The following PTPRN2 variants were observed in gnomAD, a reference collection of about 807,000 sequenced individuals.
PTPRN2 encodes the protein protein tyrosine phosphatase receptor type N2.
A neutral mutation model predicts 118.8 loss-of-function variants in PTPRN2; 74 were observed. The ratio of observed to expected loss-of-function variants is 0.62; its 90% CI spans 0.52 to 0.76. The LOEUF (loss-of-function observed/expected upper bound fraction) is 0.76, where lower values mean the gene tolerates loss of function less well. Ranked by LOEUF, PTPRN2 falls within the 30% of genes least tolerant of loss-of-function variation. The probability of loss-of-function intolerance (pLI) is 0.00; values close to 1 mark genes in which losing one functional copy is unlikely to be tolerated. For missense variants in PTPRN2, 1,481 were observed against 1,394.4 expected (o/e 1.06, Z -0.99); for synonymous variants, 641 against 608.0 (o/e 1.05, Z -0.80).
In PTPRN2 at chr7:157,683,061, G is replaced by A. The variant is rs371805832; in HGVS notation, c.1789-124C>T. ...CCCACAGGACGCTGTGCTGGCCCTG[G>A]AGCCACAACGGGAGGGCCCTGCGGA... is the stretch of plus-strand genomic sequence containing the variant. On this transcript the variant is annotated intron_variant, in intron 12 of 22. Coordinates refer to ENST00000389418, the MANE Select transcript of PTPRN2 (RefSeq NM_002847.5). 2.1e-4 allele frequency: 178 copies of A among 829,052 alleles called. No homozygotes were observed. In the South Asian group the frequency reaches 2.7e-3, roughly 13 times the overall value. 51.4% of individuals were successfully genotyped at this position (829,052 alleles called of 1,614,324 possible).
At chr7:158,202,705 C>T (rs1052143416) in intron 4 of PTPRN2, among the ~76,000 whole-genome samples, 2 of 152,164 alleles carry the variant, frequency 1.3e-5, no homozygotes, top group African/African-American at 4.8e-5. Flanking sequence ...GGGTTCAACA[C>T]TCACAAAGAA....
At chr7:157,568,242 C>T (rs1263413408) in intron 21 of PTPRN2, among the ~76,000 whole-genome samples, 3 of 152,314 alleles carry the variant, frequency 2.0e-5, no homozygotes, top group African/African-American at 2.4e-5. Context: ...AGACTCCCCA[C>T]GCCGTCTGCG....
intron 10 of PTPRN2, among the ~76,000 whole-genome samples, chr7:158,094,255 G>A (rs1340231530): frequency 6.6e-6 from 1 of 152,192 alleles, no homozygotes; most frequent in Admixed American, 6.6e-5. Context: ...AGGAGCAGCA[G>A]AACGCTCGCC....
chr7:158,316,842 G>T lies in PTPRN2; in HGVS notation c.254C>A (p.Ala85Glu). Residue 85 changes from alanine (A) to glutamate (E), a missense_variant, in exon 3 of 23, where the codon GCG becomes GAG. Around this residue, in one of 3 missense-constraint regions of PTPRN2, gnomAD observed 1,115 missense variants for 994.2 expected, o/e 1.12. Coordinates refer to ENST00000389418, the MANE Select transcript of PTPRN2 (RefSeq NM_002847.5). ...SPVALQRLRVALQKLSGTGFT... is the reference protein window; with the variant it reads ...SPVALQRLRVELQKLSGTGFT... ...ACCTGTGCCGGAAAGCTTCTGCAAC[G>T]CCACGCGCAGGCGCTGCAGGGCCAC... 6.2e-7 allele frequency: 1 copy of T among 1,607,804 alleles called. No homozygotes were observed.
At chr7:158,355,138 C>A (rs891585125) in intron 2 of PTPRN2, among the ~76,000 whole-genome samples, 3 of 152,156 alleles carry the variant, frequency 2.0e-5, no homozygotes, top group East Asian at 3.9e-4. Flanking sequence ...GAGAATTCAT[C>A]ACCACCAAAC....
rs539626141 is a variant in PTPRN2, at chr7:157,951,716, G to A, written c.1724-52979C>T. On this transcript the variant is annotated intron_variant, in intron 11 of 22. Transcript: ENST00000389418. ...CTGCCAGTGACATTAGCTGCTGTGCGTCCCTCCTGCCGGACTGCAACACCG... is the reference window on the plus strand; with the variant it reads ...CTGCCAGTGACATTAGCTGCTGTGCATCCCTCCTGCCGGACTGCAACACCG... Among the ~76,000 whole-genome samples, 139 of 152,338 alleles carry A rather than the reference G, an allele frequency of 9.1e-4. 1 individual carries two copies. Among genetic ancestry groups the A allele is most frequent in the African/African-American group, 3.0e-3 (125 of 41,582 alleles).
intron 10 of PTPRN2, among the ~76,000 whole-genome samples, chr7:158,089,200 G>A (rs866892720): frequency 2.7e-4 from 7 of 26,086 alleles, no homozygotes; most frequent in Admixed American, 7.5e-4. Context: ...CTGAGGAAAG[G>A]GGGAGTCTTC....
At chr7:158,274,731 C>A (rs768934925) in intron 3 of PTPRN2, among the ~76,000 whole-genome samples, 1 of 152,152 alleles carries the variant, frequency 6.6e-6, no homozygotes, top group Non-Finnish European at 1.5e-5. Flanking sequence ...AGGTACCCTA[C>A]GGGGGGAGTC....
In PTPRN2 at chr7:158,139,681, C is replaced by A. The variant is rs748574573; in HGVS notation, c.911-1166G>T. On this transcript the variant is annotated intron_variant, in intron 6 of 22. Coordinates refer to ENST00000389418, the MANE Select transcript of PTPRN2 (RefSeq NM_002847.5). ...GATGGAGAAGATTCCTGGAAAGCAG[C>A]GGGGGCGGGGCGGGGGGAAGACACG... 1.0e-4 allele frequency among the ~76,000 whole-genome samples: 15 copies of A among 150,510 alleles called. No homozygotes were observed. In the South Asian group the frequency reaches 3.2e-3, roughly 32 times the overall value.
rs1228347743 is a variant in PTPRN2, at chr7:157,674,021, A to C, written c.2001+8704T>G. 6.6e-6 allele frequency among the ~76,000 whole-genome samples: 1 copy of C among 152,152 alleles called. No homozygotes were observed. The highest frequency in any genetic ancestry group is 1.5e-5 in the Non-Finnish European group (1 of 68,024). ...AGAAAACGCCTTCTGGGTCAGCTCC[A>C]AGTTCAGCTATCCCGAGGTTCCAAG... On this transcript the variant is annotated intron_variant, in intron 13 of 22. Transcript: ENST00000389418. This position sits in a 1 kb window ranked among gnomAD's most constrained non-coding sequence, Gnocchi z 4.5.
At chr7:158,365,190 G>A (rs1025249673) in intron 2 of PTPRN2, among the ~76,000 whole-genome samples, 26 of 152,180 alleles carry the variant, frequency 1.7e-4, no homozygotes, top group Non-Finnish European at 3.2e-4. Context: ...GTGGGAAACC[G>A]TCCTTGCGAG....
chr7:157,842,466 G>C (rs2151186780), intron 12 of PTPRN2, among the ~76,000 whole-genome samples: 1 of 144,200 alleles, frequency 6.9e-6, no homozygotes, highest in South Asian at 2.2e-4. Context: ...CCAGGCTGGA[G>C]TGCAGTGGCA....
intron 12 of PTPRN2, among the ~76,000 whole-genome samples, chr7:157,768,998 C>T (rs1013948297): frequency 1.3e-5 from 2 of 152,208 alleles, no homozygotes; most frequent in African/African-American, 4.8e-5. Flanking sequence ...CTGACGCTGG[C>T]ATCAGGTTGC....
intron 11 of PTPRN2, among the ~76,000 whole-genome samples, chr7:158,045,538 T>C (rs1455723516): frequency 6.6e-6 from 1 of 152,174 alleles, no homozygotes; most frequent in Non-Finnish European, 1.5e-5. Context: ...CCCCAGGACG[T>C]GGGCGCAGCT....
chr7:158,153,615 A>G (rs78783432), intron 6 of PTPRN2, among the ~76,000 whole-genome samples: 17,473 of 152,246 alleles, frequency 0.11, 1,095 homozygotes, highest in African/African-American at 0.17. Flanking sequence ...TCCCGTTTCA[A>G]CAGGACACGG....
chr7:158,006,619 C>G (rs4019383), intron 11 of PTPRN2, among the ~76,000 whole-genome samples: 1 of 152,050 alleles, frequency 6.6e-6, no homozygotes, highest in African/African-American at 2.4e-5. Context: ...ACGGCAATGG[C>G]TTCCTTAAGG....
intron 17 of PTPRN2, among the ~76,000 whole-genome samples, chr7:157,578,947 A>G (rs565613210): frequency 6.6e-6 from 1 of 152,338 alleles, no homozygotes; most frequent in South Asian, 2.1e-4. Context: ...TTTTTCTGCA[A>G]TGGGTTACAT....
chr7:157,629,975 A>G lies in PTPRN2; in HGVS notation c.2197-8466T>C, dbSNP rs1004398627. On this transcript the variant is annotated intron_variant, in intron 14 of 22. Transcript: ENST00000389418. This position sits in a 1 kb window ranked among gnomAD's most constrained non-coding sequence, Gnocchi z 4.4. ...TCCACTGCCACTTGGGGAAATGATGACCTTTTCTTTCTTTAAAAATAAACA... is the reference window on the plus strand; with the variant it reads ...TCCACTGCCACTTGGGGAAATGATGGCCTTTTCTTTCTTTAAAAATAAACA... Among the ~76,000 whole-genome samples the G allele has an allele frequency of 6.6e-5, 10 of 152,230 alleles. No individual in the cohort carries two copies. Among genetic ancestry groups the G allele is most frequent in the Admixed American group, 5.9e-4 (9 of 15,286 alleles).
At chr7:157,826,830 T>A (rs1344496488) in intron 12 of PTPRN2, among the ~76,000 whole-genome samples, 1 of 151,992 alleles carries the variant, frequency 6.6e-6, no homozygotes. Context: ...TCCTGTGAGG[T>A]CATGGGGCAA....
Sources: gnomAD v4.1 joint callset for allele counts (sites outside exome capture counted in the v4.1 genomes callset) on GRCh38, gnomAD v4.1.1 for gene constraint, gnomAD v4.1.1 regional missense constraint, Gnocchi (gnomAD v3.1) non-coding constraint, MANE v1.5 for transcripts, NCBI Gene and HGNC (gene_info 2026-07-23, HGNC 2026-07-21) for gene names.